Variants in PTPRT observed in about 807,000 individuals in gnomAD.
PTPRT encodes the protein protein tyrosine phosphatase receptor type T, also known as receptor-type tyrosine-protein phosphatase T.
Under a neutral mutation model 176.8 loss-of-function variants are expected in PTPRT, and 56 were observed. That is an observed-to-expected ratio of 0.32 (90% CI 0.26 to 0.40). The LOEUF (loss-of-function observed/expected upper bound fraction) is 0.40, where lower values mean the gene tolerates loss of function less well. Among genes scored for constraint, PTPRT ranks in the 10% least tolerant of loss-of-function variants. The pLI is 1.00. For missense variants in PTPRT, 1,540 were observed against 1,908.2 expected (o/e 0.81, Z 3.60); for synonymous variants, 783 against 739.0 (o/e 1.06, Z -0.96).
intron 2 of PTPRT, among the ~76,000 whole-genome samples, chr20:42,817,571 A>G (rs2077811002): frequency 6.6e-6 from 1 of 152,224 alleles, no homozygotes; most frequent in Non-Finnish European, 1.5e-5. Context: ...GCCTTTTGTT[A>G]TGATTTCAGC....
At chr20:42,143,779 G>A (rs1406467303) in intron 17 of PTPRT, among the ~76,000 whole-genome samples, 1 of 152,166 alleles carries the variant, frequency 6.6e-6, no homozygotes, top group East Asian at 1.9e-4. Flanking sequence ...GGAGAATGTG[G>A]AAGTGGCACA....
At chr20:42,273,195 C>A (rs1000745341) in intron 13 of PTPRT, among the ~76,000 whole-genome samples, 3 of 152,010 alleles carry the variant, frequency 2.0e-5, no homozygotes, top group African/African-American at 4.8e-5. Context: ...TTACATTAGC[C>A]CTGTGCAGTA....
chr20:42,253,790 C>G (rs566421484), intron 13 of PTPRT, among the ~76,000 whole-genome samples: 1 of 152,206 alleles, frequency 6.6e-6, no homozygotes, highest in Non-Finnish European at 1.5e-5. Flanking sequence ...CCTCACAAGC[C>G]TGACCTGACG....
At chr20:42,968,639 GATCA>G (rs1982441765) in intron 1 of PTPRT, 1 of 152,242 alleles carries the variant, frequency 6.6e-6, no homozygotes, top group African/African-American at 2.4e-5. Context: ...TTTCCGGGCT[GATCA>G]ATCACTTTCA....
intron 1 of PTPRT, among the ~76,000 whole-genome samples, chr20:43,111,664 G>GA (rs915359807): frequency 9.2e-5 from 14 of 151,892 alleles, no homozygotes; most frequent in African/African-American, 2.2e-4. Flanking sequence ...CTGTTTAAAG[G>GA]AAAAAAATAT....
chr20:43,036,579 A>C (rs967990512), intron 1 of PTPRT, among the ~76,000 whole-genome samples: 12 of 148,858 alleles, frequency 8.1e-5, no homozygotes, highest in African/African-American at 1.8e-4. Context: ...ACAAAAAAAA[A>C]CCCCATGAAT....
intron 6 of PTPRT, among the ~76,000 whole-genome samples, chr20:42,712,514 C>T (rs377706512): frequency 6.6e-5 from 10 of 152,288 alleles, no homozygotes; most frequent in African/African-American, 2.4e-4. Context: ...TCAGGCTAAA[C>T]AGTTAGGATA....
chr20:42,363,270 TTATATATATATATATATATA>T (rs1212021931), intron 9 of PTPRT, among the ~76,000 whole-genome samples: 8 of 30,382 alleles, frequency 2.6e-4, no homozygotes, highest in African/African-American at 1.1e-3. Context: ...TTTATTACAA[TTATATATATATATATATATA>T]TATATATATA....
At chr20:42,762,746 C>T (rs555111200) in intron 5 of PTPRT, among the ~76,000 whole-genome samples, 6 of 152,338 alleles carry the variant, frequency 3.9e-5, no homozygotes, top group East Asian at 1.9e-4. Context: ...CCAATTCATC[C>T]GTACAGGAGG....
rs3084621 is a variant in PTPRT, at chr20:42,077,813, A to ATT, written c.*3064_*3065dup. On this transcript the variant is annotated 3_prime_UTR_variant, in exon 31 of 31. Transcript: ENST00000373187. ...CTGGGTTACCCCAACATGGCCTGAGATTTTTTTTTTTTGCAAGTTTGTTTC... is the reference window on the plus strand; with the variant it reads ...CTGGGTTACCCCAACATGGCCTGAGATTTTTTTTTTTTTTGCAAGTTTGTTTC... 58 of 181,440 alleles carry ATT rather than the reference A, an allele frequency of 3.2e-4. No individual in the cohort carries two copies. Among genetic ancestry groups the ATT allele is most frequent in the East Asian group, 1.1e-3 (12 of 11,276 alleles). The allele number at this position is 181,440 out of a possible 1,614,324, so 11.2% of individuals were successfully genotyped here.
At chr20:42,853,149 G>A (rs750407675) in intron 2 of PTPRT, among the ~76,000 whole-genome samples, 1 of 152,158 alleles carries the variant, frequency 6.6e-6, no homozygotes, top group Non-Finnish European at 1.5e-5. Flanking sequence ...AGCTCATGTG[G>A]CTTGGCCCTG....
chr20:42,467,650 C>A (rs1176391475), intron 8 of PTPRT, among the ~76,000 whole-genome samples: 1 of 152,080 alleles, frequency 6.6e-6, no homozygotes, highest in South Asian at 2.1e-4. Flanking sequence ...ATGATTTCTG[C>A]ACTTTACTTT....
chr20:43,079,937 T>C (rs887727545), intron 1 of PTPRT, among the ~76,000 whole-genome samples: 1 of 152,156 alleles, frequency 6.6e-6, no homozygotes, highest in Non-Finnish European at 1.5e-5. Context: ...TAAAAGAAAA[T>C]GCTTCTAAAA....
At chr20:42,833,839 C>T (rs188197884) in intron 2 of PTPRT, among the ~76,000 whole-genome samples, 1 of 152,134 alleles carries the variant, frequency 6.6e-6, no homozygotes, top group Non-Finnish European at 1.5e-5. Flanking sequence ...AAGGAGGACC[C>T]TTGACCTATA....
chr20:42,319,182 G>T (rs993445937), intron 11 of PTPRT, among the ~76,000 whole-genome samples: 1 of 151,860 alleles, frequency 6.6e-6, no homozygotes, highest in Non-Finnish European at 1.5e-5. Flanking sequence ...GGCTGAGGCC[G>T]AGAGGTCAAG....
At chr20:43,075,970 C>T (rs184987942) in intron 1 of PTPRT, among the ~76,000 whole-genome samples, 2 of 152,164 alleles carry the variant, frequency 1.3e-5, no homozygotes, top group African/African-American at 4.8e-5. Context: ...CTATGCCTTA[C>T]AGAGTTAAAG....
chr20:42,130,542 G>A (rs951480741), intron 18 of PTPRT, among the ~76,000 whole-genome samples: 4 of 152,184 alleles, frequency 2.6e-5, no homozygotes, highest in African/African-American at 4.8e-5. Flanking sequence ...ACCTGCAGGG[G>A]TAAGTTACCT....
At chr20:42,807,802 A>G (rs1030059602) in intron 2 of PTPRT, among the ~76,000 whole-genome samples, 2 of 152,188 alleles carry the variant, frequency 1.3e-5, no homozygotes, top group Non-Finnish European at 2.9e-5. Flanking sequence ...TGTGCCCGCT[A>G]AACATTCACT....
intron 4 of PTPRT, 88 bp downstream of exon 4, chr20:42,780,129 TA>T: frequency 1.9e-6 from 2 of 1,055,246 alleles, no homozygotes; most frequent in Non-Finnish European, 3.0e-6. Context: ...GAGATGTTTG[TA>T]AGCTGAATGA....
Sources: allele counts gnomAD v4.1 joint callset (sites outside exome capture counted in the v4.1 genomes callset), GRCh38; gene constraint gnomAD v4.1.1; transcripts MANE v1.5; gene names NCBI Gene and HGNC (gene_info 2026-07-23, HGNC 2026-07-21).